Variants in TMEM273 observed in about 807,000 individuals in gnomAD.
TMEM273 encodes transmembrane protein 273.
A neutral mutation model predicts 17.9 loss-of-function variants in TMEM273; 19 were observed. The ratio of observed to expected loss-of-function variants is 1.06; its 90% CI spans 0.74 to 1.55. The LOEUF (loss-of-function observed/expected upper bound fraction) is 1.55, where lower values mean the gene tolerates loss of function less well. Ranked by LOEUF, TMEM273 falls within the 40% of genes most tolerant of loss-of-function variation. TMEM273 has a pLI of 0.00. For synonymous variants in TMEM273, 66 were observed against 62.0 expected, an observed-to-expected ratio of 1.07 and a Z score of -0.31; for missense variants, 194 against 155.6, an observed-to-expected ratio of 1.25 and a Z score of -1.31.
chr10:49,165,177 G>A (rs1176971605), intron 5 of TMEM273, 28 bp downstream of exon 5: 1 of 1,532,498 alleles, frequency 6.5e-7, no homozygotes, highest in African/African-American at 1.4e-5. Context: ...AGAAGAGAAT[G>A]GTGGCTGGAG....
At chr10:49,161,682 C>T (rs977692095) in intron 5 of TMEM273, 60 bp from the exon 6 acceptor site, 6 of 1,607,270 alleles carry the variant, frequency 3.7e-6, no homozygotes, top group Non-Finnish European at 1.7e-6. Context: ...AAAGACAATG[C>T]AAAACTTGCT....
At chr10:49,176,635 T>C (rs1199731131) in intron 1 of TMEM273, among the ~76,000 whole-genome samples, 2 of 152,206 alleles carry the variant, frequency 1.3e-5, no homozygotes, top group Non-Finnish European at 2.9e-5. Context: ...AGCATTGCTC[T>C]GGAGTCCTGA....
chr10:49,186,068 G>GGAAGAAGAAGAAGAATAAGAATAA (rs1847670081), intron 1 of TMEM273, among the ~76,000 whole-genome samples: 1 of 67,090 alleles, frequency 1.5e-5, no homozygotes, highest in African/African-American at 5.1e-5. Flanking sequence ...AAGAAGAAGA[G>GGAAGAAGAAGAAGAATAAGAATAA]GAAGAAGAAG....
chr10:49,158,433 G>A (rs1388151918), intron 6 of TMEM273, among the ~76,000 whole-genome samples: 2 of 152,036 alleles, frequency 1.3e-5, no homozygotes, highest in African/African-American at 4.8e-5. Context: ...CACCATGAAA[G>A]ATTTTTGTTT....
At position 49,156,227 on chromosome 10, in the gene TMEM273, T is replaced by C. The variant is rs1447906000; in HGVS notation, c.373-318A>G. 8 of 1,387,268 alleles carry C rather than the reference T, an allele frequency of 5.8e-6. No individual in the cohort carries two copies. In the South Asian group the frequency reaches 7.3e-5, roughly 13 times the overall value. 85.9% of individuals were successfully genotyped at this position (1,387,268 alleles called of 1,614,324 possible). ...ATTTTGGGAAACTTTTCACTTTCTG[T>C]AGTTGGTGAATTTGCACAGATCTGG... On this transcript the variant is annotated intron_variant, in intron 6 of 6. Coordinates refer to ENST00000374153, the MANE Select transcript of TMEM273 (RefSeq NM_001288740.3).
intron 1 of TMEM273, among the ~76,000 whole-genome samples, chr10:49,182,213 A>T (rs1482926437): frequency 6.6e-6 from 1 of 152,224 alleles, no homozygotes; most frequent in African/African-American, 2.4e-5. Flanking sequence ...CCTTACTAAC[A>T]TTCACACACC....
rs1223324081 is a variant in TMEM273 at position 49,155,918 on chromosome 10, G to A, written c.373-9C>T. 1 of 1,613,982 alleles carries A rather than the reference G, an allele frequency of 6.2e-7. No homozygotes were observed. The highest frequency in any genetic ancestry group is 8.5e-7 in the Non-Finnish European group (1 of 1,180,042). ...CAATCACCTGTGCATCTCTGGAAAGGAAGAGAACCATCTGGAAGACTTATT... is the reference window on the plus strand; with the variant it reads ...CAATCACCTGTGCATCTCTGGAAAGAAAGAGAACCATCTGGAAGACTTATT... On this transcript the variant is annotated splice_polypyrimidine_tract_variant and intron_variant, in intron 6 of 6. Transcript: ENST00000374153.
intron 1 of TMEM273, among the ~76,000 whole-genome samples, chr10:49,172,382 TCA>T (rs1846634098): frequency 6.6e-6 from 1 of 152,094 alleles, no homozygotes; most frequent in African/African-American, 2.4e-5. Flanking sequence ...TCCCCAAGCC[TCA>T]GTCTCACAAG....
intron 6 of TMEM273, chr10:49,161,279 T>G: frequency 8.3e-6 from 3 of 359,726 alleles, no homozygotes; most frequent in Admixed American, 4.1e-5. Flanking sequence ...AATTGGCTAA[T>G]TATTAGATTG....
rs774255386 is a variant in TMEM273 at position 49,167,904 on chromosome 10, C to T, written c.97+5G>A. The T allele has an allele frequency of 1.9e-5, 31 of 1,613,870 alleles. No homozygotes were observed. In the Admixed American group the frequency reaches 2.7e-4, roughly 14 times the overall value. On this transcript the variant is annotated splice_donor_5th_base_variant and intron_variant, in intron 2 of 6. Transcript: ENST00000374153. ...GTGCACAGAATAACATGGGCAGCCA[C>T]GTACCAATTTCAGCCCCAGGGGTCT...
At chr10:49,161,278 A>AT (rs1273815132) in intron 6 of TMEM273, 8 of 361,280 alleles carry the variant, frequency 2.2e-5, no homozygotes, top group Non-Finnish European at 3.5e-5. Context: ...AAATTGGCTA[A>AT]TTATTAGATT....
At chr10:49,186,800 G>A (rs534143142) in intron 1 of TMEM273, among the ~76,000 whole-genome samples, 2 of 152,148 alleles carry the variant, frequency 1.3e-5, no homozygotes, top group Admixed American at 6.5e-5. Flanking sequence ...GTGATGCCTT[G>A]GCCCAGTGAT....
chr10:49,180,406 C>T (rs1224125231), intron 1 of TMEM273, among the ~76,000 whole-genome samples: 1 of 152,174 alleles, frequency 6.6e-6, no homozygotes, highest in Non-Finnish European at 1.5e-5. Context: ...GCCTGCACCC[C>T]ACCCCACAGT....
At chr10:49,178,413 C>T (rs1013325486) in intron 1 of TMEM273, 15 of 416,120 alleles carry the variant, frequency 3.6e-5, no homozygotes, top group East Asian at 2.1e-4. Context: ...TCTCCCCTGA[C>T]GGTGGTGACA....
At chr10:49,175,650 G>A (rs1459388051) in intron 1 of TMEM273, among the ~76,000 whole-genome samples, 1 of 152,262 alleles carries the variant, frequency 6.6e-6, no homozygotes, top group Admixed American at 6.5e-5. Flanking sequence ...CTAATGGAGG[G>A]GTGGAGGCGG....
intron 1 of TMEM273, among the ~76,000 whole-genome samples, chr10:49,179,097 G>GAGCCC (rs1847182209): frequency 4.6e-5 from 7 of 152,200 alleles, no homozygotes; most frequent in Admixed American, 4.6e-4. Context: ...AGGGGAGAGT[G>GAGCCC]AGCCCAGTCC....
At chr10:49,158,508 G>T (rs1845648790) in intron 6 of TMEM273, among the ~76,000 whole-genome samples, 1 of 152,118 alleles carries the variant, frequency 6.6e-6, no homozygotes, top group Non-Finnish European at 1.5e-5. Context: ...AAGAATAGCT[G>T]GAATAAAATA....
intron 1 of TMEM273, among the ~76,000 whole-genome samples, chr10:49,170,754 C>T (rs1273718659): frequency 6.6e-6 from 1 of 152,204 alleles, no homozygotes; most frequent in African/African-American, 2.4e-5. Context: ...TGCAGCCCTC[C>T]TGTGCTTGGA....
chr10:49,179,444 G>A (rs1257616899), intron 1 of TMEM273, among the ~76,000 whole-genome samples: 2 of 152,202 alleles, frequency 1.3e-5, no homozygotes, highest in African/African-American at 4.8e-5. Flanking sequence ...TCAGGACTGT[G>A]TGTCTGAGGG....
Sources: gnomAD v4.1 joint callset for allele counts (sites outside exome capture counted in the v4.1 genomes callset) on GRCh38, gnomAD v4.1.1 for gene constraint, MANE v1.5 for transcripts, NCBI Gene and HGNC (gene_info 2026-07-23, HGNC 2026-07-21) for gene names.